CCDC7: variants seen among roughly 807,000 people sequenced by gnomAD.
The protein encoded by CCDC7 is coiled-coil domain-containing protein 7.
CCDC7 carries 183 observed loss-of-function variants against 196.9 expected under a neutral mutation model. The observed-to-expected ratio is 0.93, with a 90% CI of 0.82 to 1.05. The LOEUF is 1.05. Ranked by LOEUF, CCDC7 falls within the 50% of genes least tolerant of loss-of-function variation. The probability of loss-of-function intolerance (pLI) is 0.00; values close to 1 mark genes in which losing one functional copy is unlikely to be tolerated. For synonymous variants in CCDC7, 525 were observed against 484.6 expected (o/e 1.08, Z -1.10); for missense variants, 1,540 against 1,482.2 (o/e 1.04, Z -0.64).
chr10:32,446,846 A>G (rs113711894), upstream of CCDC7, among the ~76,000 whole-genome samples: 24 of 151,018 alleles, frequency 1.6e-4, no homozygotes, highest in African/African-American at 5.8e-4. Context: ...TCATCGGAGC[A>G]TTTGTCAGGT....
intron 41 of CCDC7, among the ~76,000 whole-genome samples, chr10:32,863,486 A>G (rs1352874758): frequency 6.6e-6 from 1 of 151,896 alleles, no homozygotes; most frequent in Non-Finnish European, 1.5e-5. Context: ...TCAAATTGCT[A>G]AGACTACAGG....
upstream of CCDC7, among the ~76,000 whole-genome samples, chr10:32,444,279 G>A (rs1309703892): frequency 6.6e-6 from 1 of 152,114 alleles, no homozygotes; most frequent in Non-Finnish European, 1.5e-5. Context: ...AGTATTGTTT[G>A]TTTTCAAAGA....
chr10:32,864,518 C>A (rs2094135071), intron 41 of CCDC7, among the ~76,000 whole-genome samples: 1 of 151,036 alleles, frequency 6.6e-6, no homozygotes. Context: ...ATATATATTA[C>A]ATAATGCAAT....
At chr10:32,540,342 C>A (rs1466774120) in intron 11 of CCDC7, among the ~76,000 whole-genome samples, 2 of 152,126 alleles carry the variant, frequency 1.3e-5, no homozygotes, top group Non-Finnish European at 2.9e-5. Flanking sequence ...AGGTTTGCAA[C>A]TCCTGCTTTT....
At chr10:32,738,514 G>A (rs1257947650) in intron 28 of CCDC7, among the ~76,000 whole-genome samples, 2 of 82,072 alleles carry the variant, frequency 2.4e-5, no homozygotes, top group Admixed American at 3.9e-4. Context: ...TTGCTTTGTT[G>A]CCTAGTCTAG....
At chr10:32,836,435 C>T (rs1351557553) in intron 33 of CCDC7, among the ~76,000 whole-genome samples, 1 of 152,148 alleles carries the variant, frequency 6.6e-6, no homozygotes, top group East Asian at 1.9e-4. Flanking sequence ...AATTCTAGTT[C>T]TAGATCCTTG....
chr10:32,583,225 T>A, exon 17 of CCDC7: 1 of 1,231,476 alleles, frequency 8.1e-7, no homozygotes. Flanking sequence ...CAAGATTCAC[T>A]GTCTGTTGGA....
intron 18 of CCDC7, among the ~76,000 whole-genome samples, chr10:32,587,264 G>T (rs1324472146): frequency 6.6e-6 from 1 of 152,074 alleles, no homozygotes; most frequent in Non-Finnish European, 1.5e-5. Flanking sequence ...CCACAGACTG[G>T]CTAATATAAA....
chr10:32,750,709 A>G (rs1321256355), intron 28 of CCDC7, among the ~76,000 whole-genome samples: 2 of 152,202 alleles, frequency 1.3e-5, no homozygotes, highest in Non-Finnish European at 2.9e-5. Flanking sequence ...TTTGAAACAT[A>G]CAGTAACTGG....
chr10:32,801,698 T>G (rs1046117039), intron 29 of CCDC7, among the ~76,000 whole-genome samples: 1 of 151,892 alleles, frequency 6.6e-6, no homozygotes, highest in Non-Finnish European at 1.5e-5. Flanking sequence ...GTGTTGGGAG[T>G]GGGTCCTGAG....
At chr10:32,708,845 A>T (rs982902536) in intron 24 of CCDC7, among the ~76,000 whole-genome samples, 6 of 152,206 alleles carry the variant, frequency 3.9e-5, no homozygotes, top group African/African-American at 1.4e-4. Flanking sequence ...GGATGTGGAG[A>T]AATAGGAACA....
intron 24 of CCDC7, among the ~76,000 whole-genome samples, chr10:32,704,976 C>G (rs1455257840): frequency 3.9e-5 from 6 of 152,140 alleles, no homozygotes; most frequent in South Asian, 2.1e-4. Context: ...GAGGCGATGC[C>G]TCGCCCTGCT....
At chr10:32,514,696 G>A (rs893822292) in intron 9 of CCDC7, 2 of 152,174 alleles carry the variant, frequency 1.3e-5, no homozygotes, top group Non-Finnish European at 2.9e-5. Context: ...GCACCAAAGA[G>A]ATCATACCTG....
intron 24 of CCDC7, among the ~76,000 whole-genome samples, chr10:32,703,188 G>T (rs963770324): frequency 2.0e-5 from 3 of 152,018 alleles, no homozygotes; most frequent in Non-Finnish European, 2.9e-5. Context: ...CTTCCTTCAG[G>T]AGCTCTTTTA....
At chr10:32,726,043 G>T (rs970858865) in intron 25 of CCDC7, among the ~76,000 whole-genome samples, 8 of 151,964 alleles carry the variant, frequency 5.3e-5, no homozygotes, top group African/African-American at 1.9e-4. Flanking sequence ...TTGTCTTGTA[G>T]ATAACAAACT....
chr10:32,541,733 C>T (rs1333504707), intron 11 of CCDC7, among the ~76,000 whole-genome samples: 3 of 152,204 alleles, frequency 2.0e-5, no homozygotes, highest in Admixed American at 6.5e-5. Flanking sequence ...GAGTTGCCCC[C>T]ACAAAATGTC....
At chr10:32,801,800 G>A (rs2084846726) in intron 29 of CCDC7, among the ~76,000 whole-genome samples, 1 of 152,318 alleles carries the variant, frequency 6.6e-6, no homozygotes, top group East Asian at 1.9e-4. Flanking sequence ...CAGCAAATGT[G>A]GAAGGGCTGA....
intron 29 of CCDC7, among the ~76,000 whole-genome samples, chr10:32,780,799 C>T (rs1482516080): frequency 1.3e-5 from 2 of 151,952 alleles, no homozygotes; most frequent in Non-Finnish European, 2.9e-5. Flanking sequence ...ATTTTAAATG[C>T]AAATTGATAA....
intron 13 of CCDC7, among the ~76,000 whole-genome samples, chr10:32,545,036 T>C (rs2052181102): frequency 6.6e-6 from 1 of 152,054 alleles, no homozygotes; most frequent in African/African-American, 2.4e-5. Context: ...TAAATTAGAG[T>C]GGCTAGACAC....
Sources: allele counts gnomAD v4.1 joint callset (sites outside exome capture counted in the v4.1 genomes callset), GRCh38; gene constraint gnomAD v4.1.1; transcripts MANE v1.5; gene names NCBI Gene and HGNC (gene_info 2026-07-23, HGNC 2026-07-21).